The following GLIS3 variants were observed in gnomAD, a reference collection of about 807,000 sequenced individuals.
GLIS3 encodes the protein GLIS family zinc finger 3.
A neutral mutation model predicts 78.6 loss-of-function variants in GLIS3; 53 were observed. The ratio of observed to expected loss-of-function variants is 0.67; its 90% CI spans 0.54 to 0.85. The LOEUF is 0.85. Ranked by LOEUF, GLIS3 falls within the 40% of genes least tolerant of loss-of-function variation. The probability of loss-of-function intolerance (pLI) is 0.00; values close to 1 mark genes in which losing one functional copy is unlikely to be tolerated. For synonymous variants in GLIS3, 684 were observed against 509.9 expected (o/e 1.34, Z -4.60); for missense variants, 1,703 against 1,231.1 (o/e 1.38, Z -5.74).
intron 4 of GLIS3, among the ~76,000 whole-genome samples, chr9:4,089,175 G>T (rs753904082): frequency 2.1e-4 from 32 of 152,274 alleles, no homozygotes; most frequent in Non-Finnish European, 2.6e-4. Context: ...TGTCTCAACT[G>T]CAGTGTGGAA....
chr9:4,179,686 G>C (rs1481722375), intron 2 of GLIS3, among the ~76,000 whole-genome samples: 1 of 152,132 alleles, frequency 6.6e-6, no homozygotes, highest in African/African-American at 2.4e-5. Context: ...GAGGCAGGCA[G>C]ATCAGCTGAG....
At position 3,977,310 on chromosome 9, in the gene GLIS3, T is replaced by C. The variant is rs532185228; in HGVS notation, c.1711-40121A>G. On this transcript the variant is annotated intron_variant, in intron 4 of 10. Transcript: ENST00000381971. The surrounding 1 kb of genome is among the most constrained non-coding windows in gnomAD (Gnocchi z 4.1). ...ATGTAAGGACCGAGAGGAAAGCTCTTGGCTCTATCAGCCTTGCCATCTCTT... is the reference window on the plus strand; with the variant it reads ...ATGTAAGGACCGAGAGGAAAGCTCTCGGCTCTATCAGCCTTGCCATCTCTT... 6.6e-6 allele frequency among the ~76,000 whole-genome samples: 1 copy of C among 152,328 alleles called. No homozygotes were observed. The highest frequency in any genetic ancestry group is 2.1e-4 in the South Asian group (1 of 4,824).
In GLIS3 at chr9:4,118,488, G is replaced by A. The variant is rs747283061; in HGVS notation, c.990C>T (p.Tyr330=). ...CCGGCGAAGCCCTCGACCCGTTGAT[G>A]TAGGCCACCAAGGACGTGGGCGACG... The part of the protein sequence containing the change: ...IRTSPTSLVA[Y]INGSRASPAN... The change falls in exon 4 of 11, where the codon TAC becomes TAT. Residue 330 remains tyrosine (Y), a synonymous_variant. Coordinates refer to ENST00000381971, the MANE Select transcript of GLIS3 (RefSeq NM_001042413.2). The surrounding 1 kb of genome is among the most constrained non-coding windows in gnomAD (Gnocchi z 4.7). 6.2e-7 allele frequency: 1 copy of A among 1,614,182 alleles called. No individual in the cohort carries two copies.
intron 4 of GLIS3, among the ~76,000 whole-genome samples, chr9:4,104,184 T>C (rs752109549): frequency 2.9e-4 from 44 of 152,122 alleles, no homozygotes; most frequent in Non-Finnish European, 5.4e-4. Flanking sequence ...ATTCACTATT[T>C]GAATGTCTAA....
intron 6 of GLIS3, among the ~76,000 whole-genome samples, chr9:3,917,947 G>A (rs375925245): frequency 6.1e-4 from 93 of 152,214 alleles, no homozygotes; most frequent in Middle Eastern, 3.4e-3. Context: ...TTGTATTGGC[G>A]GCAATTTTAT....
At chr9:4,094,941 G>C (rs966628188) in intron 4 of GLIS3, among the ~76,000 whole-genome samples, 1 of 152,064 alleles carries the variant, frequency 6.6e-6, no homozygotes, top group East Asian at 1.9e-4. Flanking sequence ...GGAGCACATA[G>C]TGATGTTTCA....
Position 4,209,473 on chromosome 9 carries a change from G to A in GLIS3, c.388+76565C>T, listed in dbSNP as rs555612413. Among the ~76,000 whole-genome samples, 354 of 152,296 alleles carry A rather than the reference G, an allele frequency of 2.3e-3. 2 individuals are homozygous for A. The highest frequency in any genetic ancestry group is 3.8e-3 in the Non-Finnish European group (257 of 68,024). On this transcript the variant is annotated intron_variant, in intron 2 of 10. Coordinates refer to ENST00000381971, the MANE Select transcript of GLIS3 (RefSeq NM_001042413.2). Reference sequence around the variant, plus strand: ...TACTCCAGGTGGCAAGAGCCCATTTGCAGAAAGCTTCTCAAGATGGACTTC... The same window carrying A: ...TACTCCAGGTGGCAAGAGCCCATTTACAGAAAGCTTCTCAAGATGGACTTC...
At chr9:3,955,311 AAGAAAAAAGTC>A (rs1198411474) in intron 4 of GLIS3, among the ~76,000 whole-genome samples, 1 of 152,216 alleles carries the variant, frequency 6.6e-6, no homozygotes, top group African/African-American at 2.4e-5. Context: ...TTTGTGCTTA[AAGAAAAAAGTC>A]AGACAGTTTC....
chr9:4,136,215 G>A (rs868140722), intron 2 of GLIS3, among the ~76,000 whole-genome samples: 13 of 152,136 alleles, frequency 8.5e-5, no homozygotes, highest in Admixed American at 3.3e-4. Context: ...ACTCACCTAG[G>A]AACAATCGGA....
At chr9:4,150,985 G>C (rs1406615794) in intron 2 of GLIS3, 1 of 152,138 alleles carries the variant, frequency 6.6e-6, no homozygotes, top group Non-Finnish European at 1.5e-5. Context: ...ATAGAGTGAA[G>C]ATGGCAGATG....
At chr9:4,015,767 T>C (rs1588457647) in intron 4 of GLIS3, among the ~76,000 whole-genome samples, 1 of 151,288 alleles carries the variant, frequency 6.6e-6, no homozygotes, top group Admixed American at 6.6e-5. Context: ...CGGGCGCCTG[T>C]AATCCCAGCT....
the GLIS3 span, among the ~76,000 whole-genome samples, chr9:4,378,485 G>A: frequency 4.0e-3 from 602 of 152,130 alleles, 4 homozygotes; most frequent in African/African-American, 0.014. Flanking sequence ...ACCAGGAAGA[G>A]AAGGCCTTAA....
chr9:4,021,643 A>T (rs1025941340), intron 4 of GLIS3, among the ~76,000 whole-genome samples: 1 of 152,118 alleles, frequency 6.6e-6, no homozygotes, highest in South Asian at 2.1e-4. Flanking sequence ...AATTAATATA[A>T]CATTGCACTT....
chr9:4,483,423 A>C, the GLIS3 span, among the ~76,000 whole-genome samples: 1,484 of 152,290 alleles, frequency 9.7e-3, 18 homozygotes, highest in African/African-American at 0.034. Context: ...TGTTCCTTAC[A>C]TAAGAGGTGT....
At chr9:4,257,965 AT>A (rs1463134924) in intron 2 of GLIS3, among the ~76,000 whole-genome samples, 3 of 152,296 alleles carry the variant, frequency 2.0e-5, no homozygotes, top group African/African-American at 7.2e-5. Context: ...TAATTTGAAG[AT>A]TTTTAATTAA....
intron 2 of GLIS3, among the ~76,000 whole-genome samples, chr9:4,127,000 C>T (rs924737970): frequency 6.6e-6 from 1 of 152,044 alleles, no homozygotes; most frequent in Non-Finnish European, 1.5e-5. Flanking sequence ...TTGTTTTCCC[C>T]AAAATTAAAT....
chr9:3,839,455 G>A (rs748606211), intron 9 of GLIS3, among the ~76,000 whole-genome samples: 12 of 152,004 alleles, frequency 7.9e-5, no homozygotes, highest in Admixed American at 7.9e-4. Context: ...TCAGAATTCT[G>A]TCATAAGGAA....
intron 4 of GLIS3, among the ~76,000 whole-genome samples, chr9:4,110,262 C>G (rs576393423): frequency 1.3e-5 from 2 of 152,280 alleles, no homozygotes; most frequent in East Asian, 1.9e-4. Context: ...CTCACTTTCA[C>G]TCTCAAAAGT....
At chr9:4,403,944 G>GA in the GLIS3 span, among the ~76,000 whole-genome samples, 1 of 152,010 alleles carries the variant, frequency 6.6e-6, no homozygotes, top group South Asian at 2.1e-4. Context: ...GAATGGATGA[G>GA]AAAATAAGAT....
Sources: allele counts gnomAD v4.1 joint callset (sites outside exome capture counted in the v4.1 genomes callset), GRCh38; gene constraint gnomAD v4.1.1; non-coding constraint Gnocchi (gnomAD v3.1); transcripts MANE v1.5; gene names NCBI Gene and HGNC (gene_info 2026-07-23, HGNC 2026-07-21).